RABGAP1: variants seen among roughly 807,000 people sequenced by gnomAD.
RABGAP1 encodes RAB GTPase activating protein 1.
Under a neutral mutation model 137.6 loss-of-function variants are expected in RABGAP1, and 23 were observed. The observed-to-expected ratio is 0.17, with a 90% CI of 0.12 to 0.24. The LOEUF is 0.24. Ranked by LOEUF, RABGAP1 falls within the 10% of genes least tolerant of loss-of-function variation. RABGAP1 has a pLI of 1.00. For missense variants in RABGAP1, 906 were observed against 1,275.8 expected, an observed-to-expected ratio of 0.71 and a Z score of 4.42; for synonymous variants, 451 against 450.7, an observed-to-expected ratio of 1.00 and a Z score of -0.01.
chr9:123,100,960 G>A (rs757025585), intron 24 of RABGAP1, among the ~76,000 whole-genome samples: 6 of 152,148 alleles, frequency 3.9e-5, no homozygotes, highest in Non-Finnish European at 7.3e-5. Flanking sequence ...CTGAAAGTCG[G>A]ATGTTTTATA....
rs1044325872 is a variant in RABGAP1, at chr9:123,009,559, C to T, written c.1375-795C>T. Reference sequence around the variant, plus strand: ...TATTCTTCCCTATATTTCATGCTACCTTCCTTATATGGAAGGAAGAATGTT... The same window carrying T: ...TATTCTTCCCTATATTTCATGCTACTTTCCTTATATGGAAGGAAGAATGTT... On this transcript the variant is annotated intron_variant, in intron 10 of 25. Transcript: ENST00000373647. Among the ~76,000 whole-genome samples the T allele has an allele frequency of 2.6e-5, 4 of 152,110 alleles. No homozygotes were observed. The South Asian group carries it at 6.2e-4, about 24-fold the overall frequency.
intron 13 of RABGAP1, among the ~76,000 whole-genome samples, chr9:123,024,812 T>A (rs969729236): frequency 3.3e-5 from 5 of 152,234 alleles, no homozygotes; most frequent in Admixed American, 2.6e-4. Context: ...ATGTTCTTTG[T>A]ACATTTATCT....
chr9:123,018,983 A>G (rs185419259), intron 12 of RABGAP1, among the ~76,000 whole-genome samples: 1 of 152,344 alleles, frequency 6.6e-6, no homozygotes, highest in Admixed American at 6.5e-5. Flanking sequence ...TACCTCAGTC[A>G]TTTAATTGAC....
intron 1 of RABGAP1, among the ~76,000 whole-genome samples, chr9:122,948,764 A>G (rs1169611183): frequency 6.6e-6 from 1 of 152,094 alleles, no homozygotes; most frequent in Non-Finnish European, 1.5e-5. Context: ...ACAGTTGGGG[A>G]TTTGATGAAG....
chr9:122,989,269 A>G, intron 4 of RABGAP1, 28 bp from the exon 5 acceptor site: 1 of 1,579,794 alleles, frequency 6.3e-7, no homozygotes, highest in Non-Finnish European at 8.7e-7. Flanking sequence ...AATTCCTGTA[A>G]TCTCTCTGTA....
chr9:122,989,005 A>G lies in RABGAP1; in HGVS notation c.591-292A>G, dbSNP rs1836518407. 2.7e-5 allele frequency among the ~76,000 whole-genome samples: 4 copies of G among 149,896 alleles called. No individual in the cohort carries two copies. In the South Asian group the frequency reaches 8.3e-4, roughly 31 times the overall value. On this transcript the variant is annotated intron_variant, in intron 4 of 25. Transcript: ENST00000373647. ...TTTTGGTAGTCTAATTTACGTATTA[A>G]TCGTCTTTATTTTGTAGCAGACTGT...
chr9:122,996,026 CAT>C lies in RABGAP1; in HGVS notation c.924-14_924-13del, dbSNP rs780277448. ...AAAATGCTTTGCAAAATTAATGAAACATGTTGGTCTACAGTGCAGTTCCCAAA... is the reference window on the plus strand; with the variant it reads ...AAAATGCTTTGCAAAATTAATGAAACGTTGGTCTACAGTGCAGTTCCCAAA... On this transcript the variant is annotated splice_polypyrimidine_tract_variant and intron_variant, in intron 6 of 25. Coordinates refer to ENST00000373647, the MANE Select transcript of RABGAP1 (RefSeq NM_012197.4). The C allele has an allele frequency of 6.4e-7, 1 of 1,554,690 alleles. No individual in the cohort carries two copies. Among genetic ancestry groups the C allele is most frequent in the South Asian group, 1.2e-5 (1 of 81,058 alleles).
chr9:122,943,794 A>T (rs530786940), intron 1 of RABGAP1, among the ~76,000 whole-genome samples: 4 of 152,286 alleles, frequency 2.6e-5, no homozygotes, highest in African/African-American at 7.2e-5. Flanking sequence ...TCTACTAAAA[A>T]TACAAAAAAT....
chr9:123,099,926 T>C (rs2035291111), intron 24 of RABGAP1, among the ~76,000 whole-genome samples: 1 of 152,216 alleles, frequency 6.6e-6, no homozygotes, highest in Non-Finnish European at 1.5e-5. Context: ...CTTTCCAGTG[T>C]TGTTCTGAGT....
the RABGAP1 span, among the ~76,000 whole-genome samples, chr9:122,934,529 G>A: frequency 2.6e-5 from 4 of 152,026 alleles, no homozygotes; most frequent in Non-Finnish European, 5.9e-5. Flanking sequence ...TAGAGACAGG[G>A]TCTCACTCTG....
chr9:123,061,913 T>C (rs2033986730), intron 13 of RABGAP1: 1 of 152,226 alleles, frequency 6.6e-6, no homozygotes, highest in Admixed American at 6.5e-5. Flanking sequence ...CCACGAATAG[T>C]GTTACATGTG....
intron 19 of RABGAP1, among the ~76,000 whole-genome samples, chr9:123,086,721 G>A (rs1055562886): frequency 6.6e-6 from 1 of 152,114 alleles, no homozygotes; most frequent in Admixed American, 6.5e-5. Context: ...GGGAGAAAGA[G>A]AGAGACTGAG....
chr9:122,996,199 T>G, intron 7 of RABGAP1, 48 bp downstream of exon 7: 1 of 1,575,356 alleles, frequency 6.3e-7, no homozygotes, highest in Non-Finnish European at 8.6e-7. Context: ...TTGGCTTTTA[T>G]CAATCTAATG....
At chr9:123,084,098 A>G (rs769508727) in intron 19 of RABGAP1, among the ~76,000 whole-genome samples, 2 of 152,206 alleles carry the variant, frequency 1.3e-5, no homozygotes, top group Non-Finnish European at 2.9e-5. Flanking sequence ...CTGTGATATG[A>G]TAAGTATCAC....
At chr9:122,986,680 C>T (rs1332182045) in intron 4 of RABGAP1, among the ~76,000 whole-genome samples, 1 of 152,178 alleles carries the variant, frequency 6.6e-6, no homozygotes, top group African/African-American at 2.4e-5. Context: ...AATATATTGA[C>T]ATGAGTCAGC....
At chr9:123,098,827 G>T in intron 23 of RABGAP1, 29 bp downstream of exon 23, 2 of 1,562,884 alleles carry the variant, frequency 1.3e-6, no homozygotes, top group Non-Finnish European at 1.8e-6. Context: ...GGATTGGGCT[G>T]TGTAATCTGG....
At chr9:123,064,084 C>T (rs565178098) in intron 13 of RABGAP1, among the ~76,000 whole-genome samples, 1 of 152,284 alleles carries the variant, frequency 6.6e-6, no homozygotes, top group Non-Finnish European at 1.5e-5. Context: ...CTCATTTTCT[C>T]ACTCTCGCTT....
Position 123,012,276 on chromosome 9 carries a change from T to G in RABGAP1, c.1549+1748T>G, listed in dbSNP as rs553291222. ...TTGTCTGTTGTGTAACAGTCTTGATTGAGGTTTGCAGTTTCTCTTCTAGGT... is the reference window on the plus strand; with the variant it reads ...TTGTCTGTTGTGTAACAGTCTTGATGGAGGTTTGCAGTTTCTCTTCTAGGT... On this transcript the variant is annotated intron_variant, in intron 11 of 25. Coordinates refer to ENST00000373647, the MANE Select transcript of RABGAP1 (RefSeq NM_012197.4). Among the ~76,000 whole-genome samples, 339 of 152,342 alleles carry G rather than the reference T, an allele frequency of 2.2e-3. 1 individual carries two copies. The highest frequency in any genetic ancestry group is 3.6e-3 in the Non-Finnish European group (243 of 68,028).
At chr9:123,076,193 A>G in intron 17 of RABGAP1, 52 bp from the exon 18 acceptor site, 1 of 1,559,168 alleles carries the variant, frequency 6.4e-7, no homozygotes. Context: ...CAAATAGCAT[A>G]ATAGTCGAGA....
Sources: allele counts gnomAD v4.1 joint callset (sites outside exome capture counted in the v4.1 genomes callset), GRCh38; gene constraint gnomAD v4.1.1; transcripts MANE v1.5; gene names NCBI Gene and HGNC (gene_info 2026-07-23, HGNC 2026-07-21).